Variants in NRP1 observed in about 807,000 individuals in gnomAD.
The protein encoded by NRP1 is neuropilin 1, also known as neuropilin-1.
A neutral mutation model predicts 106.7 loss-of-function variants in NRP1; 35 were observed. The ratio of observed to expected loss-of-function variants is 0.33; its 90% CI spans 0.25 to 0.43. The LOEUF is 0.43. Ranked by LOEUF, NRP1 falls within the 20% of genes least tolerant of loss-of-function variation. The pLI, the probability that NRP1 is intolerant of heterozygous loss-of-function variation, is 1.00. For missense variants in NRP1, 1,024 were observed against 1,170.4 expected (o/e 0.87, Z 1.83); for synonymous variants, 437 against 417.9 (o/e 1.05, Z -0.56).
intron 6 of NRP1, chr10:33,249,470 A>G: frequency 1.9e-6 from 1 of 529,534 alleles, no homozygotes; most frequent in Non-Finnish European, 3.9e-6. Flanking sequence ...CAATGAGCTT[A>G]ATGGCCTGGG....
In NRP1 at chr10:33,207,632, C is replaced by T. The variant is rs746545228; in HGVS notation, c.1699G>A (p.Glu567Lys). The change falls in exon 10 of 17, where the codon GAG becomes AAG. Residue 567 changes from glutamate to lysine, a missense_variant. Glu to Lys is a moderately conservative substitution (Grantham distance 56). Coordinates refer to ENST00000374867, the MANE Select transcript of NRP1 (RefSeq NM_003873.7). Reference protein sequence around the residue: ...LSTRFIRIYPERATHGGLGLR... With the variant: ...LSTRFIRIYPKRATHGGLGLR... The stretch of plus-strand genomic sequence containing the variant: ...CCCAGTCCGCCATGAGTGGCTCTCT[C>T]GGGGTAGATCCTGATGAATCGCGTG... 6.2e-7 allele frequency: 1 copy of T among 1,614,172 alleles called. No individual in the cohort carries two copies. Among genetic ancestry groups the T allele is most frequent in the Non-Finnish European group, 8.5e-7 (1 of 1,180,036 alleles).
chr10:33,223,495 G>A (rs1017530998), intron 7 of NRP1, among the ~76,000 whole-genome samples: 1 of 151,982 alleles, frequency 6.6e-6, no homozygotes, highest in Non-Finnish European at 1.5e-5. Context: ...TATGGTGGTG[G>A]TGCATGCCTG....
At chr10:33,271,002 A>G (rs796746881) in intron 2 of NRP1, 146 bp from the exon 3 acceptor site, 22 of 582,888 alleles carry the variant, frequency 3.8e-5, no homozygotes, top group Middle Eastern at 4.8e-4. Context: ...AAATGGAGGG[A>G]AAAAAAAGTC....
chr10:33,244,295 C>T (rs143499709), intron 6 of NRP1, among the ~76,000 whole-genome samples: 36 of 152,228 alleles, frequency 2.4e-4, no homozygotes, highest in Middle Eastern at 3.4e-3. Flanking sequence ...TTACCTCACA[C>T]GCGACATAAA....
chr10:33,231,644 A>G (rs80334799), intron 6 of NRP1, among the ~76,000 whole-genome samples: 11,924 of 152,214 alleles, frequency 0.078, 750 homozygotes, highest in African/African-American at 0.17. Context: ...GCTAAGTTCT[A>G]TATTAAGTTG....
At chr10:33,216,358 G>A (rs879280679) in intron 8 of NRP1, among the ~76,000 whole-genome samples, 2 of 151,968 alleles carry the variant, frequency 1.3e-5, no homozygotes, top group Non-Finnish European at 2.9e-5. Flanking sequence ...GGATGGTCTC[G>A]ATCTCCTGAC....
At chr10:33,302,354 G>T (rs1029532472) in intron 2 of NRP1, among the ~76,000 whole-genome samples, 1 of 152,106 alleles carries the variant, frequency 6.6e-6, no homozygotes, top group African/African-American at 2.4e-5. Context: ...GCCCCTTTGC[G>T]TAAAAGCTAA....
At chr10:33,215,542 T>C (rs1487533607) in intron 8 of NRP1, among the ~76,000 whole-genome samples, 1 of 152,212 alleles carries the variant, frequency 6.6e-6, no homozygotes, top group Non-Finnish European at 1.5e-5. Flanking sequence ...TTCAAGTATT[T>C]TCCTTTAGAA....
chr10:33,305,485 A>G (rs559942357), intron 2 of NRP1, among the ~76,000 whole-genome samples: 1 of 152,258 alleles, frequency 6.6e-6, no homozygotes, highest in South Asian at 2.1e-4. Flanking sequence ...AGAAGTAGGG[A>G]AAGCAATATG....
chr10:33,188,852 G>A (rs1836199976), intron 13 of NRP1, among the ~76,000 whole-genome samples: 1 of 147,550 alleles, frequency 6.8e-6, no homozygotes, highest in African/African-American at 2.5e-5. Context: ...GGTGGAGGAT[G>A]CAGTGAGCCA....
At chr10:33,272,502 G>A (rs1025125966) in intron 2 of NRP1, among the ~76,000 whole-genome samples, 1 of 152,054 alleles carries the variant, frequency 6.6e-6, no homozygotes, top group African/African-American at 2.4e-5. Context: ...AGGAGGAGGA[G>A]AAAGAGGAGG....
intron 13 of NRP1, among the ~76,000 whole-genome samples, chr10:33,187,542 C>T (rs1836094709): frequency 6.6e-6 from 1 of 152,114 alleles, no homozygotes; most frequent in Admixed American, 6.5e-5. Flanking sequence ...TAGAACGTGC[C>T]ATTTTGGCAA....
intron 11 of NRP1, among the ~76,000 whole-genome samples, chr10:33,200,334 G>A (rs984486009): frequency 6.6e-6 from 1 of 152,206 alleles, no homozygotes; most frequent in African/African-American, 2.4e-5. Context: ...ATTTGCAAAT[G>A]AGTAATTTCA....
At chr10:33,267,779 G>C (rs113773146) in intron 3 of NRP1, among the ~76,000 whole-genome samples, 94 of 152,316 alleles carry the variant, frequency 6.2e-4, no homozygotes, top group African/African-American at 2.2e-3. Flanking sequence ...CATCTGGGAA[G>C]AGACATGTAG....
intron 16 of NRP1, among the ~76,000 whole-genome samples, chr10:33,180,982 C>T (rs928911038): frequency 7.2e-5 from 11 of 152,200 alleles, no homozygotes; most frequent in East Asian, 1.9e-4. Context: ...TGGCTCAAAT[C>T]GAGAAACCAT....
intron 1 of NRP1, among the ~76,000 whole-genome samples, chr10:33,333,650 C>T (rs1848433939): frequency 6.6e-6 from 1 of 152,178 alleles, no homozygotes; most frequent in Admixed American, 6.5e-5. Context: ...ACTGTTTAGA[C>T]CCCAGTATAG....
chr10:33,290,922 G>A (rs981305944), intron 2 of NRP1, among the ~76,000 whole-genome samples: 1 of 152,144 alleles, frequency 6.6e-6, no homozygotes, highest in Non-Finnish European at 1.5e-5. Flanking sequence ...ACATGGTCTC[G>A]TGGCCTGACA....
At chr10:33,292,785 C>A (rs999455289) in intron 2 of NRP1, among the ~76,000 whole-genome samples, 2 of 152,132 alleles carry the variant, frequency 1.3e-5, no homozygotes, top group African/African-American at 4.8e-5. Context: ...GTCAGAAGTT[C>A]GAGACCAGCC....
At chr10:33,220,266 T>C (rs2132878287) in intron 8 of NRP1, among the ~76,000 whole-genome samples, 1 of 152,340 alleles carries the variant, frequency 6.6e-6, no homozygotes, top group African/African-American at 2.4e-5. Context: ...TTTTTTTTCC[T>C]TCCAAAGTCG....
Sources: gnomAD v4.1 joint callset for allele counts (sites outside exome capture counted in the v4.1 genomes callset) on GRCh38, gnomAD v4.1.1 for gene constraint, MANE v1.5 for transcripts, NCBI Gene and HGNC (gene_info 2026-07-23, HGNC 2026-07-21) for gene names.